Variants in ALMS1 observed in about 807,000 individuals in gnomAD.
The protein encoded by ALMS1 is ALMS1 centrosome and basal body associated protein.
A neutral mutation model predicts 352.2 loss-of-function variants in ALMS1; 271 were observed. That is an observed-to-expected ratio of 0.77 (90% CI 0.70 to 0.85). ALMS1 has a LOEUF of 0.85. ALMS1 is among the 40% of genes least tolerant of loss of function. The pLI, the probability that ALMS1 is intolerant of heterozygous loss-of-function variation, is 0.00. For missense variants in ALMS1, 5,445 were observed against 4,870.7 expected (o/e 1.12, Z -3.51); for synonymous variants, 1,865 against 1,761.2 (o/e 1.06, Z -1.48).
intron 16 of ALMS1, among the ~76,000 whole-genome samples, chr2:73,582,636 A>T (rs1391945697): frequency 2.6e-5 from 4 of 152,148 alleles, no homozygotes; most frequent in Non-Finnish European, 4.4e-5. Context: ...TCTTTTTGTG[A>T]CTGACTTGTT....
chr2:73,399,253 A>T (rs1670824375), intron 1 of ALMS1, among the ~76,000 whole-genome samples: 1 of 152,056 alleles, frequency 6.6e-6, no homozygotes, highest in South Asian at 2.1e-4. Context: ...GTCTTATTGC[A>T]TTAGCTATGA....
At position 73,572,916 on chromosome 2, in the gene ALMS1, A is replaced by T. The variant is rs1674970666; in HGVS notation, c.11039A>T (p.Lys3680Ile). The change falls in exon 16 of 23, where the codon AAA becomes ATA. Residue 3680 changes from lysine (K) to isoleucine (I), a missense_variant. Transcript: ENST00000613296. ...RNKLQKKKRF[K>I]SLEKSHKNTG... ...AAGCTTCAGAAAAAGAAGCGGTTTA[A>T]AAGCCTAGAGAAAAGCCATAAAAAT... 1 of 1,614,036 alleles carries T rather than the reference A, an allele frequency of 6.2e-7. No individual in the cohort carries two copies. The highest frequency in any genetic ancestry group is 1.7e-5 in the Admixed American group (1 of 59,988).
At chr2:73,548,518 ATC>A (rs1674365557) in intron 12 of ALMS1, among the ~76,000 whole-genome samples, 1 of 152,178 alleles carries the variant, frequency 6.6e-6, no homozygotes, top group Admixed American at 6.5e-5. Context: ...TGAAAGGGTC[ATC>A]TCTCTTGGAG....
chr2:73,506,725 A>G (rs1041865467), intron 10 of ALMS1, among the ~76,000 whole-genome samples: 1 of 152,180 alleles, frequency 6.6e-6, no homozygotes, highest in African/African-American at 2.4e-5. Context: ...TCATCTGCAA[A>G]CAGAGATAAT....
chr2:73,590,896 GT>G (rs1461078752), intron 16 of ALMS1, among the ~76,000 whole-genome samples: 2 of 151,916 alleles, frequency 1.3e-5, no homozygotes, highest in Non-Finnish European at 2.9e-5. Flanking sequence ...GGTCAGGCTG[GT>G]CTGAAACTCC....
At chr2:73,606,386 A>G (rs576014807) in intron 21 of ALMS1, among the ~76,000 whole-genome samples, 6 of 152,306 alleles carry the variant, frequency 3.9e-5, no homozygotes, top group African/African-American at 1.2e-4. Context: ...GAATTAGGGG[A>G]AATCATACAG....
At chr2:73,525,025 T>C (rs1381393067) in intron 11 of ALMS1, among the ~76,000 whole-genome samples, 1 of 152,206 alleles carries the variant, frequency 6.6e-6, no homozygotes, top group Admixed American at 6.5e-5. Flanking sequence ...TTTCACTTTA[T>C]ATAATAACCT....
chr2:73,390,276 T>G (rs776573049), intron 1 of ALMS1, among the ~76,000 whole-genome samples: 1 of 152,224 alleles, frequency 6.6e-6, no homozygotes, highest in Non-Finnish European at 1.5e-5. Flanking sequence ...GTATGTTTCT[T>G]GCTAGAAATT....
chr2:73,437,984 G>A (rs1327504040), intron 7 of ALMS1, among the ~76,000 whole-genome samples: 1 of 152,054 alleles, frequency 6.6e-6, no homozygotes, highest in Non-Finnish European at 1.5e-5. Flanking sequence ...GCTACTACAA[G>A]CCTGCCTCCT....
chr2:73,596,843 A>G (rs1339989937), intron 16 of ALMS1, among the ~76,000 whole-genome samples: 1 of 142,916 alleles, frequency 7.0e-6, no homozygotes, highest in African/African-American at 2.6e-5. Flanking sequence ...AAATCAGGAA[A>G]TATAAGCCCT....
chr2:73,477,114 T>G (rs1451158676), intron 9 of ALMS1, among the ~76,000 whole-genome samples: 1 of 152,142 alleles, frequency 6.6e-6, no homozygotes, highest in Admixed American at 6.6e-5. Flanking sequence ...AGTTTTAAAT[T>G]TTGATTTAGT....
At chr2:73,522,166 C>T (rs1182860552) in intron 11 of ALMS1, among the ~76,000 whole-genome samples, 1 of 152,122 alleles carries the variant, frequency 6.6e-6, no homozygotes, top group Non-Finnish European at 1.5e-5. Flanking sequence ...TCAAAAAATT[C>T]TTTATTTGTC....
intron 5 of ALMS1, among the ~76,000 whole-genome samples, chr2:73,426,099 T>C (rs996401297): frequency 2.0e-5 from 3 of 152,198 alleles, no homozygotes; most frequent in African/African-American, 7.2e-5. Context: ...CAGATGTTAT[T>C]TATCATGTGA....
intron 16 of ALMS1, among the ~76,000 whole-genome samples, chr2:73,581,950 G>T (rs1453803493): frequency 6.6e-6 from 1 of 152,026 alleles, no homozygotes; most frequent in Non-Finnish European, 1.5e-5. Context: ...CACCACGTTG[G>T]TCAGGATGGT....
chr2:73,589,328 C>T lies in ALMS1; in HGVS notation c.11548-10073C>T, dbSNP rs1675374440. ...CCCAAACTAGTCATAATGAACCCTTCTAGAAGTATAGTGAAATAATAGGAT... is the reference window on the plus strand; with the variant it reads ...CCCAAACTAGTCATAATGAACCCTTTTAGAAGTATAGTGAAATAATAGGAT... On this transcript the variant is annotated intron_variant, in intron 16 of 22. Transcript: ENST00000613296. Among the ~76,000 whole-genome samples, 4 of 152,132 alleles carry T rather than the reference C, an allele frequency of 2.6e-5. No individual in the cohort carries two copies. In the South Asian group the frequency reaches 8.3e-4, roughly 32 times the overall value.
intron 5 of ALMS1, among the ~76,000 whole-genome samples, chr2:73,425,387 T>A (rs1242528003): frequency 6.6e-6 from 1 of 152,182 alleles, no homozygotes; most frequent in East Asian, 1.9e-4. Flanking sequence ...TTATAGCTCC[T>A]GATAATTCTG....
Position 73,531,212 on chromosome 2 carries a change from C to A in ALMS1, c.9782-3612C>A, listed in dbSNP as rs146652964. On this transcript the variant is annotated intron_variant, in intron 11 of 22. Coordinates refer to ENST00000613296, the MANE Select transcript of ALMS1 (RefSeq NM_001378454.1). The stretch of plus-strand genomic sequence containing the variant: ...CCTGCTTCCCTTTTAAACATAAGTT[C>A]CAATTTCAAACCCTCTCTTTGTGAA... Among the ~76,000 whole-genome samples the A allele has an allele frequency of 7.7e-3, 1,172 of 152,322 alleles. 5 individuals carry two copies. Among genetic ancestry groups the A allele is most frequent in the Non-Finnish European group, 0.013 (867 of 68,036 alleles).
chr2:73,458,053 AG>A (rs1672109322), intron 9 of ALMS1: 1 of 149,924 alleles, frequency 6.7e-6, no homozygotes, highest in Non-Finnish European at 1.5e-5. Flanking sequence ...AAAAAAAAAA[AG>A]GTCTAAAACT....
At position 73,600,930 on chromosome 2, in the gene ALMS1, A is replaced by T. The variant is rs759310489; in HGVS notation, c.11872+49A>T. 6 of 1,577,576 alleles carry T rather than the reference A, an allele frequency of 3.8e-6. No homozygotes were observed. The South Asian group carries it at 6.8e-5, about 18-fold the overall frequency. On this transcript the variant is annotated intron_variant, in intron 18 of 22. Transcript: ENST00000613296. ...GTAGTAGAGAAACTAGTGAATTTCAAGTCCCCTGCGATGCTGACTCTGTGT... is the reference window on the plus strand; with the variant it reads ...GTAGTAGAGAAACTAGTGAATTTCATGTCCCCTGCGATGCTGACTCTGTGT...
Sources: allele counts gnomAD v4.1 joint callset (sites outside exome capture counted in the v4.1 genomes callset), GRCh38; gene constraint gnomAD v4.1.1; transcripts MANE v1.5; gene names NCBI Gene and HGNC (gene_info 2026-07-23, HGNC 2026-07-21).